The following ATP2A2 variants were observed in gnomAD, a reference collection of about 807,000 sequenced individuals.
The protein encoded by ATP2A2 is sarcoplasmic/endoplasmic reticulum calcium ATPase 2.
Under a neutral mutation model 109.3 loss-of-function variants are expected in ATP2A2, and 14 were observed. The observed-to-expected ratio is 0.13, with a 90% CI of 0.08 to 0.20. The LOEUF is 0.20. Among genes scored for constraint, ATP2A2 ranks in the 10% least tolerant of loss-of-function variants. ATP2A2 has a pLI of 1.00. For missense variants in ATP2A2, 657 were observed against 1,321.6 expected (o/e 0.50, Z 7.80); for synonymous variants, 506 against 490.9 (o/e 1.03, Z -0.41).
Position 110,300,849 on chromosome 12 carries a change from A to G in ATP2A2, c.463+4112A>G, listed in dbSNP as rs115848312. 5.8e-3 allele frequency among the ~76,000 whole-genome samples: 883 copies of G among 151,942 alleles called. 8 individuals carry two copies. The highest frequency in any genetic ancestry group is 0.02 in the African/African-American group (832 of 41,414). On this transcript the variant is annotated intron_variant, in intron 5 of 19. Coordinates refer to ENST00000539276, the MANE Select transcript of ATP2A2 (RefSeq NM_170665.4). ...TGTGTAAATCAAAGATACTGGCAAG[A>G]TTTCTAGTTTACGTGACTGGGTGTG...
At position 110,347,271 on chromosome 12, in the gene ATP2A2, G is replaced by A. The variant is rs1009445291; in HGVS notation, c.*801G>A. The A allele has an allele frequency of 8.0e-7, 1 of 1,244,442 alleles. No homozygotes were observed. The highest frequency in any genetic ancestry group is 1.0e-6 in the Non-Finnish European group (1 of 965,402). The allele number at this position is 1,244,442 out of a possible 1,614,324, so 77.1% of individuals were successfully genotyped here. ...TTTTGCCAACATTGCCTATTTCAGT[G>A]GCACGTCATCTAGTTTTAAAAAAAT... is the stretch of plus-strand genomic sequence containing the variant. On this transcript the variant is annotated 3_prime_UTR_variant, in exon 20 of 20. Transcript: ENST00000539276.
intron 6 of ATP2A2, 153 bp from the exon 7 acceptor site, chr12:110,326,237 A>T (rs1044818619): frequency 1.1e-5 from 8 of 696,034 alleles, no homozygotes; most frequent in South Asian, 3.1e-5. Flanking sequence ...AAGTTTTCCC[A>T]GCTTACCTCC....
At position 110,350,381 on chromosome 12, in the gene ATP2A2, C is replaced by T. The variant is rs1592875896; in HGVS notation, c.*3911C>T. ...TGTGCGTTTTTAGCAACACATCTAC[C>T]AACCCTGTGCATGACTGATGTTGGG... On this transcript the variant is annotated 3_prime_UTR_variant, in exon 20 of 20. Transcript: ENST00000539276. 5.0e-6 allele frequency: 8 copies of T among 1,608,190 alleles called. No homozygotes were observed. Among genetic ancestry groups the T allele is most frequent in the South Asian group, 1.1e-5 (1 of 90,916 alleles).
chr12:110,333,752 AAAT>A (rs1254666867), intron 10 of ATP2A2, among the ~76,000 whole-genome samples: 1 of 152,224 alleles, frequency 6.6e-6, no homozygotes, highest in African/African-American at 2.4e-5. Context: ...TATTTGGGTG[AAAT>A]AATAAATACT....
chr12:110,304,396 A>G (rs1026624706), intron 5 of ATP2A2, among the ~76,000 whole-genome samples: 1 of 152,212 alleles, frequency 6.6e-6, no homozygotes, highest in South Asian at 2.1e-4. Flanking sequence ...ATATTGTTCT[A>G]CATTCCCACC....
chr12:110,344,702 A>G (rs920801431), intron 16 of ATP2A2, among the ~76,000 whole-genome samples, 184 bp from the exon 17 acceptor site: 2 of 152,228 alleles, frequency 1.3e-5, no homozygotes, highest in African/African-American at 4.8e-5. Context: ...CCTGTCCTTC[A>G]GAAACCAGGG....
Position 110,327,945 on chromosome 12 carries a change from C to T in ATP2A2, c.1023C>T (p.Thr341=). 1.9e-6 allele frequency: 3 copies of T among 1,614,078 alleles called. No homozygotes were observed. Among genetic ancestry groups the T allele is most frequent in the Non-Finnish European group, 2.5e-6 (3 of 1,180,018 alleles). Residue 341 remains threonine, a synonymous_variant, in exon 8 of 20, where the codon ACC becomes ACT. Transcript: ENST00000539276. The surrounding 1 kb of genome is among the most constrained non-coding windows in gnomAD (Gnocchi z 4.4). ...TTCGAAGCCTCCCGTCTGTGGAAACCCTTGGTTGTACTTCTGTTATCTGCT... is the reference window on the plus strand; with the variant it reads ...TTCGAAGCCTCCCGTCTGTGGAAACTCTTGGTTGTACTTCTGTTATCTGCT... The part of the protein sequence containing the change: ...AIVRSLPSVE[T]LGCTSVICSD...
chr12:110,300,048 G>A (rs1204298988), intron 5 of ATP2A2, among the ~76,000 whole-genome samples: 1 of 151,334 alleles, frequency 6.6e-6, no homozygotes, highest in Non-Finnish European at 1.5e-5. Context: ...GAGCCACCAC[G>A]CACGGCCTAA....
At chr12:110,286,313 C>T (rs1872657583) in intron 3 of ATP2A2, among the ~76,000 whole-genome samples, 1 of 152,034 alleles carries the variant, frequency 6.6e-6, no homozygotes, top group African/African-American at 2.4e-5. Context: ...ACTGTAGTTT[C>T]TCAGAAGAGA....
intron 3 of ATP2A2, among the ~76,000 whole-genome samples, 190 bp downstream of exon 3, chr12:110,282,985 A>G (rs1363339325): frequency 6.6e-6 from 1 of 152,244 alleles, no homozygotes; most frequent in Non-Finnish European, 1.5e-5. Context: ...TATTCAGAAA[A>G]TAGATGCCTG....
intron 5 of ATP2A2, among the ~76,000 whole-genome samples, chr12:110,318,933 A>G (rs3026463): frequency 0.017 from 2,587 of 152,304 alleles, 78 homozygotes; most frequent in African/African-American, 0.059. Context: ...CTGATAGATG[A>G]GAAACAGCAC....
chr12:110,285,384 G>A (rs943554707), intron 3 of ATP2A2, among the ~76,000 whole-genome samples: 2 of 152,062 alleles, frequency 1.3e-5, no homozygotes, highest in African/African-American at 4.8e-5. Flanking sequence ...TTCTCTTCTT[G>A]ATTACCAACT....
At chr12:110,318,791 A>G (rs1876936748) in intron 5 of ATP2A2, among the ~76,000 whole-genome samples, 1 of 152,138 alleles carries the variant, frequency 6.6e-6, no homozygotes, top group African/African-American at 2.4e-5. Context: ...GGTTTTTTGG[A>G]TTTATGTTTC....
At chr12:110,286,444 CAG>C (rs1164373447) in intron 3 of ATP2A2, among the ~76,000 whole-genome samples, 1 of 152,058 alleles carries the variant, frequency 6.6e-6, no homozygotes, top group African/African-American at 2.4e-5. Context: ...CTAGTTTATT[CAG>C]AGCTTTTCTT....
Position 110,282,601 on chromosome 12 carries a change from C to A in ATP2A2, c.119-3C>A, listed in dbSNP as rs1032649497. The stretch of plus-strand genomic sequence containing the variant: ...TTGCTTGACGAATTTCTACATTCTA[C>A]AGAGTTACCGGCTGAAGAAGGTAAT... On this transcript the variant is annotated splice_polypyrimidine_tract_variant and splice_region_variant and intron_variant, in intron 1 of 19. Coordinates refer to ENST00000539276, the MANE Select transcript of ATP2A2 (RefSeq NM_170665.4). The A allele has an allele frequency of 6.2e-7, 1 of 1,613,716 alleles. No individual in the cohort carries two copies. Among genetic ancestry groups the A allele is most frequent in the Non-Finnish European group, 8.5e-7 (1 of 1,179,928 alleles).
chr12:110,296,086 AGTTGG>A, intron 4 of ATP2A2: 1 of 166,012 alleles, frequency 6.0e-6, no homozygotes, highest in Non-Finnish European at 1.3e-5. Context: ...CTTAGCCCAG[AGTTGG>A]GTTGGGTTGG....
chr12:110,326,546 C>A (rs1877821696), intron 7 of ATP2A2, 71 bp downstream of exon 7: 1 of 1,353,816 alleles, frequency 7.4e-7, no homozygotes. Context: ...ATGTTTTTCA[C>A]TGCCAACCAT....
chr12:110,284,346 T>G (rs1390713416), intron 3 of ATP2A2, among the ~76,000 whole-genome samples: 1 of 152,188 alleles, frequency 6.6e-6, no homozygotes, highest in Non-Finnish European at 1.5e-5. Context: ...AGTTAAATAA[T>G]GGGGTCCGAT....
chr12:110,290,041 G>C (rs1006288687), intron 3 of ATP2A2, among the ~76,000 whole-genome samples: 8 of 152,174 alleles, frequency 5.3e-5, no homozygotes, highest in Non-Finnish European at 1.0e-4. Context: ...TCTGTGACCA[G>C]TTACATTTTT....
Sources: allele counts gnomAD v4.1 joint callset (sites outside exome capture counted in the v4.1 genomes callset), GRCh38; gene constraint gnomAD v4.1.1; non-coding constraint Gnocchi (gnomAD v3.1); transcripts MANE v1.5; gene names NCBI Gene and HGNC (gene_info 2026-07-23, HGNC 2026-07-21).